B3GAT2: variants seen among roughly 807,000 people sequenced by gnomAD.
B3GAT2 encodes the protein galactosylgalactosylxylosylprotein 3-beta-glucuronosyltransferase 2.
A neutral mutation model predicts 27.8 loss-of-function variants in B3GAT2; 26 were observed. The ratio of observed to expected loss-of-function variants is 0.93; its 90% CI spans 0.68 to 1.30. The LOEUF (loss-of-function observed/expected upper bound fraction) is 1.30. B3GAT2 is among the 50% of genes most tolerant of loss of function. The pLI is 0.00. For synonymous variants in B3GAT2, 218 were observed against 195.1 expected, an observed-to-expected ratio of 1.12 and a Z score of -0.98; for missense variants, 458 against 459.0, an observed-to-expected ratio of 1.00 and a Z score of 0.02.
At chr6:70,955,388 G>A (rs1765637126) in intron 1 of B3GAT2, among the ~76,000 whole-genome samples, 1 of 151,740 alleles carries the variant, frequency 6.6e-6, no homozygotes, top group African/African-American at 2.4e-5. Context: ...GAAAAGCCTC[G>A]AGTAACACCT....
chr6:70,890,217 T>A (rs1772264700), intron 2 of B3GAT2, among the ~76,000 whole-genome samples: 1 of 152,058 alleles, frequency 6.6e-6, no homozygotes, highest in Non-Finnish European at 1.5e-5. Context: ...CTCGCCACTG[T>A]CCACCCTAAC....
intron 1 of B3GAT2, among the ~76,000 whole-genome samples, chr6:70,953,794 T>C (rs766636242): frequency 7.9e-5 from 12 of 152,226 alleles, no homozygotes; most frequent in Non-Finnish European, 1.8e-4. Context: ...ATGTCCTCTC[T>C]GACAACACTA....
intron 2 of B3GAT2, among the ~76,000 whole-genome samples, chr6:70,865,381 G>A (rs1056368855): frequency 4.6e-5 from 7 of 152,298 alleles, no homozygotes; most frequent in African/African-American, 1.4e-4. Context: ...GCCTCCTAAA[G>A]TGCTGGGATT....
chr6:70,953,902 C>A (rs1765611395), intron 1 of B3GAT2, among the ~76,000 whole-genome samples: 1 of 152,116 alleles, frequency 6.6e-6, no homozygotes, highest in African/African-American at 2.4e-5. Context: ...TATCCCCCAC[C>A]AACAAACCCT....
intron 1 of B3GAT2, among the ~76,000 whole-genome samples, chr6:70,935,367 T>C (rs144801357): frequency 3.3e-5 from 5 of 152,160 alleles, no homozygotes; most frequent in African/African-American, 9.6e-5. Context: ...GGCAGGAGAA[T>C]TGCTTGACCC....
chr6:70,946,455 A>C (rs1327340169), intron 1 of B3GAT2, among the ~76,000 whole-genome samples: 1 of 152,056 alleles, frequency 6.6e-6, no homozygotes, highest in African/African-American at 2.4e-5. Flanking sequence ...AACAGACTTT[A>C]AACCAACAAA....
intron 2 of B3GAT2, among the ~76,000 whole-genome samples, chr6:70,885,082 A>C (rs659925): frequency 0.35 from 53,878 of 152,118 alleles, 14,079 homozygotes; most frequent in African/African-American, 0.72. Flanking sequence ...AATAATACCT[A>C]TTTAACAGAT....
At chr6:70,870,841 G>A (rs1429625667) in intron 2 of B3GAT2, among the ~76,000 whole-genome samples, 4 of 152,066 alleles carry the variant, frequency 2.6e-5, no homozygotes, top group East Asian at 1.9e-4. Context: ...AAAAGCTTTC[G>A]GCATTCAACT....
intron 1 of B3GAT2, among the ~76,000 whole-genome samples, chr6:70,913,172 AGTTCTTGTTTTG>A (rs1420609738): frequency 6.6e-6 from 1 of 151,754 alleles, no homozygotes; most frequent in Non-Finnish European, 1.5e-5. Flanking sequence ...CATTCAGTTC[AGTTCTTGTTTTG>A]GTTCTTTTCT....
chr6:70,875,537 C>G (rs1298973365), intron 2 of B3GAT2, among the ~76,000 whole-genome samples: 1 of 152,156 alleles, frequency 6.6e-6, no homozygotes, highest in Non-Finnish European at 1.5e-5. Context: ...TGTTCTTTCA[C>G]AGCCATGATA....
chr6:70,946,655 A>G (rs889973690), intron 1 of B3GAT2, among the ~76,000 whole-genome samples: 2 of 152,210 alleles, frequency 1.3e-5, no homozygotes, highest in Admixed American at 1.3e-4. Context: ...CCCCACTGTC[A>G]ACATTAGACA....
At chr6:70,919,578 G>A (rs867661514) in intron 1 of B3GAT2, among the ~76,000 whole-genome samples, 1 of 152,104 alleles carries the variant, frequency 6.6e-6, no homozygotes, top group African/African-American at 2.4e-5. Context: ...CTACGGATGG[G>A]GTTTTCGTGT....
intron 1 of B3GAT2, among the ~76,000 whole-genome samples, chr6:70,899,660 G>GCCCCTCTAT (rs1772460361): frequency 6.6e-6 from 1 of 152,164 alleles, no homozygotes; most frequent in African/African-American, 2.4e-5. Context: ...CACAGAATTA[G>GCCCCTCTAT]CCCCTCTATC....
intron 1 of B3GAT2, among the ~76,000 whole-genome samples, chr6:70,932,940 T>C (rs1217849994): frequency 6.6e-6 from 1 of 152,062 alleles, no homozygotes; most frequent in Non-Finnish European, 1.5e-5. Context: ...TAGCTGAGGG[T>C]ACAGGCACAT....
At chr6:70,868,890 C>T (rs187518122) in intron 2 of B3GAT2, among the ~76,000 whole-genome samples, 1 of 152,314 alleles carries the variant, frequency 6.6e-6, no homozygotes, top group African/African-American at 2.4e-5. Context: ...AAAGCATACA[C>T]TGCCTTTTGG....
chr6:70,873,783 G>T (rs1236138002), intron 2 of B3GAT2, among the ~76,000 whole-genome samples: 2 of 151,684 alleles, frequency 1.3e-5, no homozygotes, highest in Admixed American at 6.6e-5. Context: ...ATTTATCTAT[G>T]TTTCAAATTC....
intron 1 of B3GAT2, among the ~76,000 whole-genome samples, chr6:70,903,149 TA>T (rs550239346): frequency 1.5e-3 from 224 of 151,756 alleles, no homozygotes; most frequent in Middle Eastern, 0.01. Context: ...ACTAAAAAAT[TA>T]AAAAAGAAAG....
At chr6:70,943,478 A>G (rs529634178) in intron 1 of B3GAT2, among the ~76,000 whole-genome samples, 4 of 152,312 alleles carry the variant, frequency 2.6e-5, no homozygotes, top group African/African-American at 9.6e-5. Flanking sequence ...CCTGCTTCAC[A>G]TAATTCTGTA....
chr6:70,948,297 G>C (rs1220926181), intron 1 of B3GAT2, among the ~76,000 whole-genome samples: 2 of 146,488 alleles, frequency 1.4e-5, no homozygotes, highest in Non-Finnish European at 3.0e-5. Flanking sequence ...AATTGTCCCT[G>C]TTTGCAGATG....
Sources: allele counts gnomAD v4.1 joint callset (sites outside exome capture counted in the v4.1 genomes callset), GRCh38; gene constraint gnomAD v4.1.1; transcripts MANE v1.5; gene names NCBI Gene and HGNC (gene_info 2026-07-23, HGNC 2026-07-21).